The following CEMIP variants were observed in gnomAD, a reference collection of about 807,000 sequenced individuals.
CEMIP encodes cell migration inducing hyaluronidase 1, also known as cell migration-inducing and hyaluronan-binding protein.
CEMIP carries 105 observed loss-of-function variants against 156.9 expected under a neutral mutation model. The ratio of observed to expected loss-of-function variants is 0.67; its 90% CI spans 0.57 to 0.79. The LOEUF (loss-of-function observed/expected upper bound fraction) is 0.79, where lower values mean the gene tolerates loss of function less well. Ranked by LOEUF, CEMIP falls within the 30% of genes least tolerant of loss-of-function variation. The pLI is 0.00. For missense variants in CEMIP, 1,457 were observed against 1,769.4 expected (o/e 0.82, Z 3.17); for synonymous variants, 676 against 668.4 (o/e 1.01, Z -0.17).
At chr15:80,889,415 T>C (rs1457034781) in intron 9 of CEMIP, 56 bp from the exon 10 acceptor site, 1 of 1,612,774 alleles carries the variant, frequency 6.2e-7, no homozygotes, top group South Asian at 1.1e-5. Flanking sequence ...ACACTGAGTG[T>C]GACTTGCCCT....
chr15:80,928,987 G>A, intron 20 of CEMIP, 32 bp from the exon 21 acceptor site: 1 of 1,614,158 alleles, frequency 6.2e-7, no homozygotes, highest in African/African-American at 1.3e-5. Flanking sequence ...CTTGTCTCTG[G>A]GCATCTCACC....
intron 1 of CEMIP, among the ~76,000 whole-genome samples, chr15:80,815,410 G>T (rs1450724180): frequency 6.6e-6 from 1 of 152,184 alleles, no homozygotes; most frequent in African/African-American, 2.4e-5. Flanking sequence ...ATGAAAACGA[G>T]GCCAAGAATA....
chr15:80,946,770 T>G, intron 28 of CEMIP, 195 bp from the exon 29 acceptor site: 4 of 610,998 alleles, frequency 6.5e-6, no homozygotes, highest in Non-Finnish European at 1.2e-5. Context: ...GGGAGGGAGC[T>G]CAGGATGTTC....
At chr15:80,795,674 C>G (rs1896205420) in intron 1 of CEMIP, among the ~76,000 whole-genome samples, 1 of 152,044 alleles carries the variant, frequency 6.6e-6, no homozygotes, top group Non-Finnish European at 1.5e-5. Flanking sequence ...TGGCTCAGAC[C>G]TATAATCCCA....
chr15:80,919,604 G>A (rs1900398225), intron 14 of CEMIP, among the ~76,000 whole-genome samples: 1 of 152,188 alleles, frequency 6.6e-6, no homozygotes, highest in Non-Finnish European at 1.5e-5. Flanking sequence ...ATGAGGTCAG[G>A]AGATTGAGAC....
rs762921752 is a variant in CEMIP, at chr15:80,894,870, A to C, written c.1087-120A>C. 48 of 1,235,080 alleles carry C rather than the reference A, an allele frequency of 3.9e-5. 1 individual carries two copies. In the Middle Eastern group the frequency reaches 4.3e-3, roughly 112 times the overall value. 76.5% of individuals were successfully genotyped at this position (1,235,080 alleles called of 1,614,324 possible). On this transcript the variant is annotated intron_variant, in intron 10 of 29. Coordinates refer to ENST00000394685, the MANE Select transcript of CEMIP (RefSeq NM_001293298.2). ...GGGATAATCATCTCGGGCCGTTGTA[A>C]ATAGTGTTGCAGCAGGGACAATTTT...
intron 29 of CEMIP, 44 bp from the exon 30 acceptor site, chr15:80,948,753 C>T: frequency 6.2e-7 from 1 of 1,613,510 alleles, no homozygotes. Context: ...GGCAGCCGTC[C>T]TCTCATAGGG....
At chr15:80,803,244 T>C (rs1458205553) in intron 1 of CEMIP, among the ~76,000 whole-genome samples, 1 of 152,166 alleles carries the variant, frequency 6.6e-6, no homozygotes, top group Non-Finnish European at 1.5e-5. Flanking sequence ...ATGGCTGGAT[T>C]CTGTCCCCTC....
intron 12 of CEMIP, among the ~76,000 whole-genome samples, chr15:80,899,355 A>G (rs1248018655): frequency 6.6e-6 from 1 of 152,224 alleles, no homozygotes; most frequent in Non-Finnish European, 1.5e-5. Context: ...GTGAAGATAG[A>G]TATCCACCAA....
chr15:80,788,145 A>G (rs544057338), intron 1 of CEMIP, among the ~76,000 whole-genome samples: 3 of 152,122 alleles, frequency 2.0e-5, no homozygotes, highest in Admixed American at 6.5e-5. Context: ...AGGAGTGCAT[A>G]GAGGAGCTAG....
intron 12 of CEMIP, among the ~76,000 whole-genome samples, chr15:80,901,230 A>C (rs1009602954): frequency 6.6e-6 from 1 of 152,082 alleles, no homozygotes; most frequent in Non-Finnish European, 1.5e-5. Flanking sequence ...ACTTCACATA[A>C]ACCATCTTGT....
At chr15:80,919,093 T>C (rs1319083929) in intron 14 of CEMIP, among the ~76,000 whole-genome samples, 1 of 152,164 alleles carries the variant, frequency 6.6e-6, no homozygotes, top group Non-Finnish European at 1.5e-5. Context: ...CCACTAACTG[T>C]GTGATTCCAA....
chr15:80,905,690 GTTT>G (rs1899771618), intron 12 of CEMIP, among the ~76,000 whole-genome samples: 1 of 152,164 alleles, frequency 6.6e-6, no homozygotes, highest in Non-Finnish European at 1.5e-5. Context: ...TTGTTTGTTA[GTTT>G]TTTAAGGATG....
intron 25 of CEMIP, among the ~76,000 whole-genome samples, chr15:80,940,911 A>G (rs572051104): frequency 6.6e-6 from 1 of 152,332 alleles, no homozygotes; most frequent in Admixed American, 6.5e-5. Context: ...CTTAGCAGGC[A>G]TGGGGCACAA....
chr15:80,826,154 A>G (rs1160360248), intron 1 of CEMIP, among the ~76,000 whole-genome samples: 1 of 152,160 alleles, frequency 6.6e-6, no homozygotes. Flanking sequence ...AATATATGTG[A>G]TCCTACTCTC....
intron 14 of CEMIP, among the ~76,000 whole-genome samples, chr15:80,912,084 G>A (rs1332214282): frequency 6.6e-6 from 1 of 152,096 alleles, no homozygotes; most frequent in Non-Finnish European, 1.5e-5. Context: ...GGAGAGCTGG[G>A]AGAGGCTGGG....
chr15:80,784,083 G>A lies in CEMIP; in HGVS notation c.-176+4469G>A, dbSNP rs550248144. 2.0e-5 allele frequency among the ~76,000 whole-genome samples: 3 copies of A among 152,348 alleles called. No individual in the cohort carries two copies. In the South Asian group the frequency reaches 6.2e-4, roughly 32 times the overall value. On this transcript the variant is annotated intron_variant, in intron 1 of 29. Transcript: ENST00000394685. The stretch of plus-strand genomic sequence containing the variant: ...CACAGGCACCTGCTCAGAGCAAGGA[G>A]CTGGACAGCCTGGCTCCTTGCACTG...
Position 80,922,139 on chromosome 15 carries a change from T to G in CEMIP, c.2202+2T>G. Reference sequence around the variant, plus strand: ...AACCGAGCACATTCCAACTACCGGGTAAGTCTTTCCAGGCTGCGCCTCTCT... The same window carrying G: ...AACCGAGCACATTCCAACTACCGGGGAAGTCTTTCCAGGCTGCGCCTCTCT... On this transcript the variant is annotated splice_donor_variant, in intron 17 of 29. Coordinates refer to ENST00000394685, the MANE Select transcript of CEMIP (RefSeq NM_001293298.2). LOFTEE classifies it high-confidence loss of function. The G allele has an allele frequency of 6.2e-7, 1 of 1,614,148 alleles. No homozygotes were observed. Among genetic ancestry groups the G allele is most frequent in the East Asian group, 2.2e-5 (1 of 44,888 alleles).
chr15:80,863,233 A>C (rs1317322654), intron 1 of CEMIP, among the ~76,000 whole-genome samples: 2 of 152,240 alleles, frequency 1.3e-5, no homozygotes, highest in African/African-American at 4.8e-5. Flanking sequence ...TGCTTATTTT[A>C]ATGTCTCCAA....
Sources: gnomAD v4.1 joint callset for allele counts (sites outside exome capture counted in the v4.1 genomes callset) on GRCh38, gnomAD v4.1.1 for gene constraint, MANE v1.5 for transcripts, NCBI Gene and HGNC (gene_info 2026-07-23, HGNC 2026-07-21) for gene names.